The following NCSTN variants were observed in gnomAD, a reference collection of about 807,000 sequenced individuals.
The protein encoded by NCSTN is anterior pharynx-defective 2.
In NCSTN, 22 loss-of-function variants were observed where a neutral mutation model predicts 87.0. The ratio of observed to expected loss-of-function variants is 0.25; its 90% confidence interval spans 0.18 to 0.36. The LOEUF (loss-of-function observed/expected upper bound fraction) is 0.36. Among genes scored for constraint, NCSTN ranks in the 10% least tolerant of loss-of-function variants. NCSTN has a pLI of 1.00. For synonymous variants in NCSTN, 306 were observed against 327.1 expected, an observed-to-expected ratio of 0.94 and a Z score of 0.69; for missense variants, 693 against 883.3, an observed-to-expected ratio of 0.78 and a Z score of 2.73.
chr1:160,344,648 T>A (rs779413342), intron 1 of NCSTN, 74 bp from the exon 2 acceptor site: 52 of 1,591,930 alleles, frequency 3.3e-5, no homozygotes, highest in Non-Finnish European at 4.0e-5. Flanking sequence ...AAGCCATACT[T>A]CAGGTTAATG....
chr1:160,350,727 T>C (rs759315736), intron 5 of NCSTN, among the ~76,000 whole-genome samples: 1 of 152,100 alleles, frequency 6.6e-6, no homozygotes, highest in Non-Finnish European at 1.5e-5. Flanking sequence ...AAAAAAGCAT[T>C]GGATTAGAGA....
chr1:160,353,177 A>C lies in NCSTN; in HGVS notation c.1119A>C (p.Ser373=). The stretch of plus-strand genomic sequence containing the variant: ...CCCCCCAGGTGGCCTTAAGAACTTC[A>C]TTAGAGCTTTGGATGCACACAGATC... ...VELGQVALRT[S]LELWMHTDPV... is the part of the protein sequence containing the mutation. Residue 373 remains serine (S), a synonymous_variant, in exon 10 of 17, where the codon TCA becomes TCC. Coordinates refer to ENST00000294785, the MANE Select transcript of NCSTN (RefSeq NM_015331.3). The C allele has an allele frequency of 1.9e-6, 3 of 1,614,140 alleles. No individual in the cohort carries two copies. Among genetic ancestry groups the C allele is most frequent in the Non-Finnish European group, 2.5e-6 (3 of 1,180,008 alleles).
intron 1 of NCSTN, 188 bp downstream of exon 1, chr1:160,343,669 C>A (rs745323097): frequency 2.8e-6 from 2 of 723,920 alleles, no homozygotes; most frequent in South Asian, 3.0e-5. Flanking sequence ...CCTTCTCCCC[C>A]GCAGCACGTC....
chr1:160,357,168 G>C lies in NCSTN; in HGVS notation c.1922G>C (p.Ser641Thr), dbSNP rs1649173119. Residue 641 changes from serine (S) to threonine (T), a missense_variant, in exon 16 of 17, where the codon AGC becomes ACC. This residue lies in a region of NCSTN where 216 missense variants were observed against 311.7 expected (regional missense o/e 0.69). Coordinates refer to ENST00000294785, the MANE Select transcript of NCSTN (RefSeq NM_015331.3). ...CCTGCCTTTGAACTGAGTCAGTGGA[G>C]CTCTACTGAATACTCTACATGGACT... is the stretch of plus-strand genomic sequence containing the variant. ...LSPAFELSQW[S>T]STEYSTWTES... 6.2e-7 allele frequency: 1 copy of C among 1,614,060 alleles called. No individual in the cohort carries two copies. The highest frequency in any genetic ancestry group is 1.7e-5 in the Admixed American group (1 of 59,994).
At position 160,358,841 on chromosome 1, in the gene NCSTN, A is replaced by C. The variant is rs1649262459; in HGVS notation, c.*570A>C. On this transcript the variant is annotated 3_prime_UTR_variant, in exon 17 of 17. Transcript: ENST00000294785. ...ATCCCACCTCCAGCCCACAGTGCTC[A>C]GTTGTACTTTTTATTAAGCTGTAAT... is the stretch of plus-strand genomic sequence containing the variant. 6.4e-6 allele frequency: 1 copy of C among 157,078 alleles called. No homozygotes were observed. The highest frequency in any genetic ancestry group is 2.4e-5 in the African/African-American group (1 of 41,488). 9.7% of individuals were successfully genotyped at this position (157,078 alleles called of 1,614,324 possible).
chr1:160,358,478 C>T lies in NCSTN; in HGVS notation c.*207C>T, dbSNP rs928877657. The T allele has an allele frequency of 3.0e-6, 2 of 656,040 alleles. No homozygotes were observed. Among genetic ancestry groups the T allele is most frequent in the African/African-American group, 1.8e-5 (1 of 55,472 alleles). The allele number at this position is 656,040 out of a possible 1,614,324, so 40.6% of individuals were successfully genotyped here. A position where few individuals can be genotyped will look rare whatever the true frequency, so the allele number is the denominator to read the frequency against. ...CCGCTCCCCTTTCCCATCACCCCTT[C>T]CCCATTTCCTCTTCCTTCTCTACTC... is the stretch of plus-strand genomic sequence containing the variant. On this transcript the variant is annotated 3_prime_UTR_variant, in exon 17 of 17. Transcript: ENST00000294785.
intron 2 of NCSTN, among the ~76,000 whole-genome samples, chr1:160,348,060 G>A (rs979815315): frequency 1.3e-5 from 2 of 152,258 alleles, no homozygotes; most frequent in Admixed American, 6.5e-5. Flanking sequence ...CTGATATACA[G>A]CCAGGGCTGA....
At chr1:160,345,019 C>G (rs1206564791) in intron 2 of NCSTN, 193 bp downstream of exon 2, 2 of 647,234 alleles carry the variant, frequency 3.1e-6, no homozygotes, top group African/African-American at 1.8e-5. Flanking sequence ...GCATACCAAG[C>G]TTTTTACATG....
chr1:160,350,728 G>A (rs1460880984), intron 5 of NCSTN, among the ~76,000 whole-genome samples: 1 of 151,900 alleles, frequency 6.6e-6, no homozygotes, highest in Non-Finnish European at 1.5e-5. Context: ...AAAAAGCATT[G>A]GATTAGAGAT....
intron 2 of NCSTN, among the ~76,000 whole-genome samples, chr1:160,348,674 T>C (rs1207377866): frequency 1.3e-5 from 2 of 152,198 alleles, no homozygotes; most frequent in Non-Finnish European, 1.5e-5. Flanking sequence ...CTAGAGAAAA[T>C]ATAGGTTTGA....
chr1:160,352,031 G>A (rs1311659893), intron 7 of NCSTN, 23 bp from the exon 8 acceptor site: 1 of 1,613,726 alleles, frequency 6.2e-7, no homozygotes, highest in South Asian at 1.1e-5. Flanking sequence ...TATATCCCCT[G>A]ACTTTTCTTC....
In NCSTN at chr1:160,353,287, G is replaced by C. The variant is rs775664911; in HGVS notation, c.1179+50G>C. The C allele has an allele frequency of 1.9e-6, 3 of 1,613,492 alleles. No individual in the cohort carries two copies. In the South Asian group the frequency reaches 3.3e-5, roughly 18 times the overall value. Reference sequence around the variant, plus strand: ...TCCTATTCCTACAGCTCAGAATCCAGACCCCAACCCCTGCCCTGTTTCCAC... The same window carrying C: ...TCCTATTCCTACAGCTCAGAATCCACACCCCAACCCCTGCCCTGTTTCCAC... On this transcript the variant is annotated intron_variant, in intron 10 of 16. Coordinates refer to ENST00000294785, the MANE Select transcript of NCSTN (RefSeq NM_015331.3).
chr1:160,346,957 G>T (rs1187929023), intron 2 of NCSTN, among the ~76,000 whole-genome samples: 1 of 152,222 alleles, frequency 6.6e-6, no homozygotes, highest in African/African-American at 2.4e-5. Context: ...CTAGGTCCAG[G>T]GTGGGCTGAG....
chr1:160,349,097 C>T lies in NCSTN; in HGVS notation c.289C>T (p.Leu97=), dbSNP rs1648687097. 6.2e-7 allele frequency: 1 copy of T among 1,614,158 alleles called. No homozygotes were observed. The highest frequency in any genetic ancestry group is 1.3e-5 in the African/African-American group (1 of 75,042). Residue 97 remains leucine, a synonymous_variant, in exon 3 of 17, where the codon CTG becomes TTG. Coordinates refer to ENST00000294785, the MANE Select transcript of NCSTN (RefSeq NM_015331.3). ...TGGCCCCAACCCCCCTTACATGGTT[C>T]TGCTGGAGAGCAAGCATTTTACCAG... The part of the protein sequence containing the change: ...TDGPNPPYMV[L]LESKHFTRDL...
intron 5 of NCSTN, 106 bp downstream of exon 5, chr1:160,350,356 A>G: frequency 7.4e-7 from 1 of 1,345,672 alleles, no homozygotes; most frequent in Non-Finnish European, 1.0e-6. Flanking sequence ...GGAGGCTGAG[A>G]CAGGAGGATC....
intron 2 of NCSTN, among the ~76,000 whole-genome samples, chr1:160,345,958 A>G (rs866607466): frequency 1.0e-3 from 153 of 151,166 alleles, no homozygotes; most frequent in African/African-American, 3.5e-3. Context: ...AAAAAAAAAA[A>G]AAAGAAAATG....
Position 160,351,374 on chromosome 1 carries a change from T to C in NCSTN, c.733+2T>C. 6.2e-7 allele frequency: 1 copy of C among 1,613,896 alleles called. No homozygotes were observed. Among genetic ancestry groups the C allele is most frequent in the Non-Finnish European group, 8.5e-7 (1 of 1,179,950 alleles). On this transcript the variant is annotated splice_donor_variant, in intron 6 of 16. Transcript: ENST00000294785. LOFTEE classifies it high-confidence loss of function. ...AAAGCACCTTCAGCATCAACCCAGG[T>C]AGGGCAGATCCGAACCATGAGGGTA...
intron 5 of NCSTN, 67 bp from the exon 6 acceptor site, chr1:160,351,155 C>A: frequency 1.3e-6 from 2 of 1,555,082 alleles, no homozygotes; most frequent in Middle Eastern, 1.9e-4. Context: ...GGGCCCTCCT[C>A]CTTCTGGGAT....
At chr1:160,350,461 A>T (rs1648775176) in intron 5 of NCSTN, among the ~76,000 whole-genome samples, 1 of 151,908 alleles carries the variant, frequency 6.6e-6, no homozygotes, top group Admixed American at 6.6e-5. Flanking sequence ...CACAAAAAAA[A>T]AAAAAAAAAA....
Sources: gnomAD v4.1 joint callset for allele counts (sites outside exome capture counted in the v4.1 genomes callset) on GRCh38, gnomAD v4.1.1 for gene constraint, gnomAD v4.1.1 regional missense constraint, MANE v1.5 for transcripts, NCBI Gene and HGNC (gene_info 2026-07-23, HGNC 2026-07-21) for gene names.